Variants in CD38 observed in about 807,000 individuals in gnomAD.
CD38 encodes the protein ADP-ribosyl cyclase/cyclic ADP-ribose hydrolase 1.
CD38 carries 31 observed loss-of-function variants against 36.3 expected under a neutral mutation model. That is an observed-to-expected ratio of 0.85 (90% confidence interval 0.64 to 1.15). The LOEUF is 1.15. CD38 is among the 50% of genes most tolerant of loss of function. CD38 has a pLI of 0.00. For synonymous variants in CD38, 131 were observed against 135.2 expected (o/e 0.97, Z 0.22); for missense variants, 380 against 371.9 (o/e 1.02, Z -0.18).
chr4:15,816,433 A>C, intron 1 of CD38, 78 bp from the exon 2 acceptor site: 1 of 1,254,156 alleles, frequency 8.0e-7, no homozygotes, highest in Non-Finnish European at 1.1e-6. Context: ...CCTAAATAAG[A>C]TTCTAAAAAA....
At chr4:15,804,454 C>T (rs928508963) in intron 1 of CD38, among the ~76,000 whole-genome samples, 2 of 152,050 alleles carry the variant, frequency 1.3e-5, no homozygotes, top group Non-Finnish European at 2.9e-5. Context: ...AATCATATGT[C>T]GAAGAGATAC....
At chr4:15,803,905 T>G (rs1723282741) in intron 1 of CD38, among the ~76,000 whole-genome samples, 1 of 152,196 alleles carries the variant, frequency 6.6e-6, no homozygotes, top group Non-Finnish European at 1.5e-5. Context: ...ATGTAGTATT[T>G]GGTTTTCTGT....
intron 5 of CD38, among the ~76,000 whole-genome samples, 191 bp from the exon 6 acceptor site, chr4:15,839,835 T>G (rs1724162356): frequency 6.6e-6 from 1 of 152,106 alleles, no homozygotes; most frequent in African/African-American, 2.4e-5. Context: ...AATTAAGAAT[T>G]TTATTTTGAG....
intron 1 of CD38, among the ~76,000 whole-genome samples, chr4:15,803,682 A>G (rs1397470961): frequency 6.6e-6 from 1 of 152,212 alleles, no homozygotes; most frequent in African/African-American, 2.4e-5. Flanking sequence ...TTTACTTTAG[A>G]TTCAGGGGTT....
intron 1 of CD38, among the ~76,000 whole-genome samples, chr4:15,780,796 C>T (rs2148912372): frequency 6.6e-6 from 1 of 152,192 alleles, no homozygotes; most frequent in South Asian, 2.1e-4. Context: ...CTTTCTGCAC[C>T]TTATCAGAAA....
At chr4:15,796,053 T>G (rs937461171) in intron 1 of CD38, among the ~76,000 whole-genome samples, 8 of 152,132 alleles carry the variant, frequency 5.3e-5, no homozygotes, top group African/African-American at 1.9e-4. Flanking sequence ...CTAAAAGAGA[T>G]AGTTTATGAG....
chr4:15,838,540 T>C (rs1724125316), intron 5 of CD38, among the ~76,000 whole-genome samples: 1 of 152,174 alleles, frequency 6.6e-6, no homozygotes, highest in Non-Finnish European at 1.5e-5. Context: ...TGCTCCCTTC[T>C]GTCTAAATCT....
intron 3 of CD38, chr4:15,825,590 G>A (rs1723829148): frequency 6.6e-6 from 1 of 152,256 alleles, no homozygotes; most frequent in African/African-American, 2.4e-5. Context: ...AACTCAGGCT[G>A]ATATAAAGTA....
chr4:15,840,002 G>C, intron 5 of CD38, 24 bp from the exon 6 acceptor site: 2 of 1,546,078 alleles, frequency 1.3e-6, no homozygotes, highest in Non-Finnish European at 1.8e-6. Context: ...TGATGTTTGG[G>C]GTTCTTTGTT....
chr4:15,802,192 C>T (rs951495441), intron 1 of CD38, among the ~76,000 whole-genome samples: 2 of 151,730 alleles, frequency 1.3e-5, no homozygotes, highest in Admixed American at 6.6e-5. Context: ...CAATAGCTAC[C>T]CCCCAAAAAA....
chr4:15,784,353 G>C (rs1055515331), intron 1 of CD38, among the ~76,000 whole-genome samples: 1 of 152,186 alleles, frequency 6.6e-6, no homozygotes, highest in Non-Finnish European at 1.5e-5. Context: ...ATTTCAACAA[G>C]AGGGTGCTCT....
intron 1 of CD38, among the ~76,000 whole-genome samples, chr4:15,802,667 C>T (rs1377866725): frequency 6.6e-6 from 1 of 151,994 alleles, no homozygotes; most frequent in Non-Finnish European, 1.5e-5. Flanking sequence ...AGCAATTCTC[C>T]TGCTTCAGCC....
chr4:15,821,944 C>G (rs1227818680), intron 2 of CD38, among the ~76,000 whole-genome samples: 2 of 151,694 alleles, frequency 1.3e-5, no homozygotes, highest in Non-Finnish European at 2.9e-5. Context: ...AAATTCTCAA[C>G]AAAATACTGG....
rs1420548897 is a variant in CD38, at chr4:15,849,905, T to G, written c.*1303T>G. On this transcript the variant is annotated 3_prime_UTR_variant, in exon 8 of 8. Coordinates refer to ENST00000226279, the MANE Select transcript of CD38 (RefSeq NM_001775.4). Reference sequence around the variant, plus strand: ...AGTTCTGCTTTAGCTGCAGCTCTTATGTTTTGATATGCCTCTCTTTATTAT... The same window carrying G: ...AGTTCTGCTTTAGCTGCAGCTCTTAGGTTTTGATATGCCTCTCTTTATTAT... 2.0e-5 allele frequency: 3 copies of G among 152,216 alleles called. No individual in the cohort carries two copies. Among genetic ancestry groups the G allele is most frequent in the African/African-American group, 7.2e-5 (3 of 41,458 alleles). 9.4% of individuals were successfully genotyped at this position (152,216 alleles called of 1,614,324 possible). A position where few individuals can be genotyped will look rare whatever the true frequency, so the allele number is the denominator to read the frequency against.
At chr4:15,832,665 T>G (rs72616183) in intron 3 of CD38, among the ~76,000 whole-genome samples, 8,946 of 152,258 alleles carry the variant, frequency 0.059, 363 homozygotes, top group East Asian at 0.18. Context: ...CAACTAGGAC[T>G]TTGCTGGGTA....
chr4:15,800,906 C>A (rs931216808), intron 1 of CD38, among the ~76,000 whole-genome samples: 1 of 151,782 alleles, frequency 6.6e-6, no homozygotes, highest in African/African-American at 2.4e-5. Context: ...ACAACAACAA[C>A]AAAACCCCCA....
chr4:15,794,643 A>G (rs1401973013), intron 1 of CD38, among the ~76,000 whole-genome samples: 1 of 152,186 alleles, frequency 6.6e-6, no homozygotes, highest in Non-Finnish European at 1.5e-5. Flanking sequence ...CAAGAAAAAA[A>G]CAGAAGAGAG....
intron 1 of CD38, among the ~76,000 whole-genome samples, chr4:15,800,566 T>G (rs1723197242): frequency 6.6e-6 from 1 of 152,226 alleles, no homozygotes; most frequent in South Asian, 2.1e-4. Context: ...ATGCTGAGGA[T>G]CATCTCATAG....
chr4:15,812,623 C>T (rs1464766873), intron 1 of CD38, among the ~76,000 whole-genome samples: 1 of 152,148 alleles, frequency 6.6e-6, no homozygotes, highest in Non-Finnish European at 1.5e-5. Flanking sequence ...TCATTTGAAC[C>T]CTGGAGGCAG....
Sources: gnomAD v4.1 joint callset for allele counts (sites outside exome capture counted in the v4.1 genomes callset) on GRCh38, gnomAD v4.1.1 for gene constraint, MANE v1.5 for transcripts, NCBI Gene and HGNC (gene_info 2026-07-23, HGNC 2026-07-21) for gene names.